ANKS1B: variants seen among roughly 807,000 people sequenced by gnomAD.
The protein encoded by ANKS1B is ankyrin repeat and sterile alpha motif domain-containing protein 1B.
A neutral mutation model predicts 148.3 loss-of-function variants in ANKS1B; 36 were observed. That is an observed-to-expected ratio of 0.24 (90% CI 0.19 to 0.32). ANKS1B has a LOEUF of 0.32. ANKS1B is among the 10% of genes least tolerant of loss of function. The pLI, the probability that ANKS1B is intolerant of heterozygous loss-of-function variation, is 1.00. For missense variants in ANKS1B, 1,157 were observed against 1,542.6 expected, an observed-to-expected ratio of 0.75 and a Z score of 4.19; for synonymous variants, 542 against 560.8, an observed-to-expected ratio of 0.97 and a Z score of 0.47.
In ANKS1B at chr12:99,898,463, T is replaced by C. The variant is rs552185654; in HGVS notation, c.135-73074A>G. On this transcript the variant is annotated intron_variant, in intron 1 of 26. Transcript: ENST00000683438. ...AGCAAGAAAGAAGGAAGCTTTATAATAGATGAATTTATAGGCAAGTCTGTC... is the reference window on the plus strand; with the variant it reads ...AGCAAGAAAGAAGGAAGCTTTATAACAGATGAATTTATAGGCAAGTCTGTC... Among the ~76,000 whole-genome samples the C allele has an allele frequency of 3.3e-5, 5 of 152,260 alleles. No homozygotes were observed. In the East Asian group the frequency reaches 9.7e-4, roughly 29 times the overall value.
At chr12:99,776,131 T>G (rs1208118147) in intron 6 of ANKS1B, among the ~76,000 whole-genome samples, 2 of 152,202 alleles carry the variant, frequency 1.3e-5, no homozygotes, top group Non-Finnish European at 2.9e-5. Context: ...TTCAAAATGG[T>G]GCTGTAATCT....
chr12:99,487,673 TTTCATTATATTA>T (rs2096510512), intron 10 of ANKS1B, among the ~76,000 whole-genome samples: 1 of 152,174 alleles, frequency 6.6e-6, no homozygotes, highest in Non-Finnish European at 1.5e-5. Context: ...TTGATTCATA[TTTCATTATATTA>T]TGATTTCAGA....
intron 9 of ANKS1B, among the ~76,000 whole-genome samples, chr12:99,636,185 G>A (rs925872620): frequency 3.4e-4 from 51 of 151,872 alleles, no homozygotes; most frequent in African/African-American, 1.1e-3. Flanking sequence ...ATTCTGTTTG[G>A]TCTAGAATAT....
At chr12:98,852,326 C>T (rs2099533577) in intron 17 of ANKS1B, among the ~76,000 whole-genome samples, 1 of 151,986 alleles carries the variant, frequency 6.6e-6, no homozygotes, top group Non-Finnish European at 1.5e-5. Context: ...CTCTAGGCGG[C>T]AGAAACAGCA....
At chr12:99,826,066 GA>G (rs2083153054) in intron 1 of ANKS1B, among the ~76,000 whole-genome samples, 1 of 151,748 alleles carries the variant, frequency 6.6e-6, no homozygotes, top group African/African-American at 2.4e-5. Flanking sequence ...TTAACTTTTG[GA>G]AAATAAGGCA....
intron 9 of ANKS1B, among the ~76,000 whole-genome samples, chr12:99,646,511 G>A (rs992109440): frequency 2.2e-4 from 34 of 151,800 alleles, no homozygotes; most frequent in African/African-American, 6.8e-4. Flanking sequence ...CAAATTAGCC[G>A]GGCGTGGTGG....
intron 9 of ANKS1B, among the ~76,000 whole-genome samples, chr12:99,640,499 T>A (rs979955325): frequency 1.3e-5 from 2 of 152,180 alleles, no homozygotes; most frequent in African/African-American, 2.4e-5. Flanking sequence ...TATGAAAGGA[T>A]GAGTTCAACC....
chr12:99,495,925 T>C (rs907685403), intron 10 of ANKS1B, among the ~76,000 whole-genome samples: 77 of 152,236 alleles, frequency 5.1e-4, no homozygotes, highest in Admixed American at 5.0e-3. Context: ...TTTCAGATGT[T>C]GCAGAAGGTA....
intron 1 of ANKS1B, among the ~76,000 whole-genome samples, chr12:99,900,241 C>T (rs1388190798): frequency 6.6e-6 from 1 of 151,470 alleles, no homozygotes; most frequent in African/African-American, 2.4e-5. Flanking sequence ...TGTGCTGTGG[C>T]TCACGCCTGT....
At chr12:98,862,132 C>T (rs1338683885) in intron 17 of ANKS1B, among the ~76,000 whole-genome samples, 3 of 152,018 alleles carry the variant, frequency 2.0e-5, no homozygotes, top group Non-Finnish European at 4.4e-5. Context: ...GTTTGTCATC[C>T]CTCAGTGTAG....
intron 17 of ANKS1B, among the ~76,000 whole-genome samples, chr12:98,985,067 G>A (rs1339945238): frequency 1.3e-5 from 2 of 152,098 alleles, no homozygotes. Context: ...ACAAATATAT[G>A]TGGTTTGGCT....
intron 10 of ANKS1B, among the ~76,000 whole-genome samples, chr12:99,463,585 C>A (rs988241056): frequency 6.6e-6 from 1 of 152,198 alleles, no homozygotes; most frequent in African/African-American, 2.4e-5. Flanking sequence ...TCACTCCCAC[C>A]CTAATACTGC....
chr12:99,672,146 C>A (rs979348279), intron 8 of ANKS1B, among the ~76,000 whole-genome samples: 1 of 152,000 alleles, frequency 6.6e-6, no homozygotes, highest in Non-Finnish European at 1.5e-5. Flanking sequence ...AATTGGAATA[C>A]CTGAACCACA....
At chr12:99,155,441 A>G (rs997613374) in intron 14 of ANKS1B, among the ~76,000 whole-genome samples, 2 of 152,172 alleles carry the variant, frequency 1.3e-5, no homozygotes, top group Non-Finnish European at 2.9e-5. Context: ...CAAAAGTATT[A>G]TTAGGCACAA....
intron 12 of ANKS1B, among the ~76,000 whole-genome samples, chr12:99,367,173 G>T (rs967421242): frequency 6.6e-6 from 1 of 151,974 alleles, no homozygotes; most frequent in Non-Finnish European, 1.5e-5. Context: ...CCCCAGCTGG[G>T]GACCACTAGT....
chr12:98,960,037 A>C (rs887762936), intron 17 of ANKS1B, among the ~76,000 whole-genome samples: 1 of 152,190 alleles, frequency 6.6e-6, no homozygotes, highest in Non-Finnish European at 1.5e-5. Flanking sequence ...CTCTGGACCC[A>C]CCCAGGGTTT....
In ANKS1B at chr12:99,212,629, G is replaced by T. The variant is rs904875836; in HGVS notation, c.2419+31713C>A. ...TGAATATTAATTTTTACTTATTGTGGTCTTTGCATTGATGGTTTCTTTGTA... is the reference window on the plus strand; with the variant it reads ...TGAATATTAATTTTTACTTATTGTGTTCTTTGCATTGATGGTTTCTTTGTA... On this transcript the variant is annotated intron_variant, in intron 14 of 26. Coordinates refer to ENST00000683438, the MANE Select transcript of ANKS1B (RefSeq NM_001352186.2). 5.3e-5 allele frequency among the ~76,000 whole-genome samples: 8 copies of T among 152,138 alleles called. 1 individual carries two copies. In the South Asian group the frequency reaches 1.4e-3, roughly 28 times the overall value.
intron 10 of ANKS1B, among the ~76,000 whole-genome samples, chr12:99,462,192 T>C (rs1004048080): frequency 6.6e-6 from 1 of 152,190 alleles, no homozygotes; most frequent in Non-Finnish European, 1.5e-5. Context: ...CTGTATGATG[T>C]GTTGCTGGCA....
At chr12:99,650,297 TCTCTCTCTCTC>T (rs1245115534) in intron 9 of ANKS1B, among the ~76,000 whole-genome samples, 6 of 148,284 alleles carry the variant, frequency 4.0e-5, no homozygotes, top group Admixed American at 2.7e-4. Context: ...ACACAGACTC[TCTCTCTCTCTC>T]CTCTCTCTCT....
Sources: gnomAD v4.1 joint callset for allele counts (sites outside exome capture counted in the v4.1 genomes callset) on GRCh38, gnomAD v4.1.1 for gene constraint, MANE v1.5 for transcripts, NCBI Gene and HGNC (gene_info 2026-07-23, HGNC 2026-07-21) for gene names.